Variants in MED13L observed in about 807,000 individuals in gnomAD.
The protein encoded by MED13L is mediator of RNA polymerase II transcription subunit 13-like.
A neutral mutation model predicts 220.9 loss-of-function variants in MED13L; 7 were observed. The ratio of observed to expected loss-of-function variants is 0.03; its 90% CI spans 0.02 to 0.06. MED13L has a LOEUF of 0.06. MED13L is among the 10% of genes least tolerant of loss of function. MED13L has a pLI of 1.00. For missense variants in MED13L, 1,965 were observed against 2,760.5 expected (o/e 0.71, Z 6.46); for synonymous variants, 1,011 against 1,015.2 (o/e 1.00, Z 0.08).
Position 116,062,699 on chromosome 12 carries a change from G to A in MED13L, c.479+33970C>T, listed in dbSNP as rs1204926336. 2.6e-5 allele frequency among the ~76,000 whole-genome samples: 4 copies of A among 152,176 alleles called. No individual in the cohort carries two copies. In the East Asian group the frequency reaches 7.7e-4, roughly 29 times the overall value. On this transcript the variant is annotated intron_variant, in intron 4 of 30. Transcript: ENST00000281928. ...GACAGGGTTTCCCCATATTGGCCAG[G>A]ATGGTCTCGATCTCTTGACCCTGTG...
intron 1 of MED13L, among the ~76,000 whole-genome samples, chr12:116,270,717 T>G (rs1175612602): frequency 6.6e-6 from 1 of 151,944 alleles, no homozygotes; most frequent in Non-Finnish European, 1.5e-5. Flanking sequence ...TTTAAATCTT[T>G]CAAATAAACA....
intron 4 of MED13L, among the ~76,000 whole-genome samples, chr12:116,061,904 A>G (rs1869519454): frequency 6.7e-6 from 1 of 148,366 alleles, no homozygotes; most frequent in African/African-American, 2.5e-5. Context: ...GCTACTCAGG[A>G]GGCTGAGGCA....
At chr12:115,965,011 C>T (rs931499670) in intron 29 of MED13L, among the ~76,000 whole-genome samples, 1 of 152,096 alleles carries the variant, frequency 6.6e-6, no homozygotes, top group Non-Finnish European at 1.5e-5. Flanking sequence ...AAATAAAGAA[C>T]ACATGCATTT....
intron 7 of MED13L, among the ~76,000 whole-genome samples, chr12:116,018,667 T>G (rs185863750): frequency 1.3e-5 from 2 of 152,168 alleles, no homozygotes; most frequent in African/African-American, 2.4e-5. Flanking sequence ...AATTTTTCCA[T>G]GAAGACAGGC....
intron 20 of MED13L, among the ~76,000 whole-genome samples, chr12:115,983,859 C>T (rs143083814): frequency 3.3e-5 from 5 of 152,294 alleles, no homozygotes; most frequent in African/African-American, 9.6e-5. Context: ...CATCATGGGA[C>T]ATTATGCTCC....
chr12:116,223,142 C>CAT (rs1868605092), intron 2 of MED13L, among the ~76,000 whole-genome samples: 2 of 152,174 alleles, frequency 1.3e-5, no homozygotes, highest in Admixed American at 6.6e-5. Context: ...TTATAACTTA[C>CAT]ATAAGACAGT....
chr12:116,019,153 G>C, intron 7 of MED13L, 71 bp downstream of exon 7: 1 of 1,481,608 alleles, frequency 6.7e-7, no homozygotes, highest in South Asian at 1.2e-5. Context: ...TTTCTCACCT[G>C]TTCCATGGCA....
intron 18 of MED13L, 112 bp downstream of exon 18, chr12:115,986,996 GA>G: frequency 8.9e-7 from 1 of 1,119,554 alleles, no homozygotes; most frequent in Non-Finnish European, 1.3e-6. Context: ...AATGGTCAAA[GA>G]AAAAGACTCC....
At chr12:115,980,135 G>A (rs1877222540) in intron 23 of MED13L, among the ~76,000 whole-genome samples, 1 of 152,034 alleles carries the variant, frequency 6.6e-6, no homozygotes, top group Non-Finnish European at 1.5e-5. Context: ...CTAAGACACA[G>A]ATTAGCTTAG....
At chr12:116,003,244 A>G in intron 13 of MED13L, 142 bp from the exon 14 acceptor site, 1 of 714,668 alleles carries the variant, frequency 1.4e-6, no homozygotes, top group East Asian at 2.7e-5. Context: ...ACCAACAGAT[A>G]GTGAAACAAA....
At chr12:115,994,915 G>A (rs1268463225) in intron 16 of MED13L, among the ~76,000 whole-genome samples, 1 of 152,182 alleles carries the variant, frequency 6.6e-6, no homozygotes, top group Non-Finnish European at 1.5e-5. Flanking sequence ...GAAGCATTGT[G>A]GAAGTCCTGT....
chr12:116,186,325 A>G (rs190682021), intron 2 of MED13L, among the ~76,000 whole-genome samples: 1 of 152,330 alleles, frequency 6.6e-6, no homozygotes, highest in East Asian at 1.9e-4. Flanking sequence ...GATTGAACGT[A>G]AAGTCAGAAG....
intron 2 of MED13L, among the ~76,000 whole-genome samples, chr12:116,198,908 T>C (rs940849181): frequency 2.6e-5 from 4 of 152,190 alleles, no homozygotes; most frequent in African/African-American, 4.8e-5. Context: ...CATTAAGTCT[T>C]AGTACATCAG....
In MED13L at chr12:116,100,428, G is replaced by A. The variant is rs554416114; in HGVS notation, c.396-3676C>T. ...AGCCTGGCCAACATGGTAAAGCCCCGTCTCTACTAAAAATACAAAAATTTA... is the reference window on the plus strand; with the variant it reads ...AGCCTGGCCAACATGGTAAAGCCCCATCTCTACTAAAAATACAAAAATTTA... On this transcript the variant is annotated intron_variant, in intron 3 of 30. Transcript: ENST00000281928. Among the ~76,000 whole-genome samples, 13 of 151,470 alleles carry A rather than the reference G, an allele frequency of 8.6e-5. No homozygotes were observed. In the South Asian group the frequency reaches 1.5e-3, roughly 17 times the overall value.
chr12:116,174,036 A>G (rs1879873586), intron 2 of MED13L, among the ~76,000 whole-genome samples: 1 of 152,116 alleles, frequency 6.6e-6, no homozygotes. Context: ...CAAGGCTGCA[A>G]TGAGCTATGA....
intron 2 of MED13L, among the ~76,000 whole-genome samples, chr12:116,127,025 C>T (rs374758990): frequency 2.6e-5 from 4 of 152,162 alleles, no homozygotes; most frequent in African/African-American, 9.7e-5. Context: ...AATTAACTTA[C>T]AAATTATCTT....
chr12:116,124,936 T>G (rs775133697), intron 2 of MED13L, among the ~76,000 whole-genome samples: 2 of 152,194 alleles, frequency 1.3e-5, no homozygotes, highest in Admixed American at 6.5e-5. Flanking sequence ...TGAAAGATCA[T>G]AGTTAAACCA....
intron 4 of MED13L, among the ~76,000 whole-genome samples, chr12:116,059,237 G>T (rs1869237513): frequency 1.3e-5 from 2 of 151,892 alleles, no homozygotes; most frequent in Non-Finnish European, 2.9e-5. Flanking sequence ...CCAGCTAATT[G>T]TTTGTAGAGA....
chr12:115,979,705 A>G (rs1877194281), intron 23 of MED13L, among the ~76,000 whole-genome samples: 1 of 152,242 alleles, frequency 6.6e-6, no homozygotes, highest in South Asian at 2.1e-4. Context: ...TGTTTTAAGG[A>G]GCTCTCTTAT....
Sources: allele counts gnomAD v4.1 joint callset (sites outside exome capture counted in the v4.1 genomes callset), GRCh38; gene constraint gnomAD v4.1.1; transcripts MANE v1.5; gene names NCBI Gene and HGNC (gene_info 2026-07-23, HGNC 2026-07-21).